TMCO5A: variants seen among roughly 807,000 people sequenced by gnomAD.
TMCO5A encodes the protein transmembrane and coiled-coil domains 5A.
TMCO5A carries 34 observed loss-of-function variants against 42.3 expected under a neutral mutation model. The observed-to-expected ratio is 0.80, with a 90% CI of 0.61 to 1.07. The LOEUF is 1.07. Among genes scored for constraint, TMCO5A ranks in the 50% least tolerant of loss-of-function variants. The pLI, the probability that TMCO5A is intolerant of heterozygous loss-of-function variation, is 0.00. For missense variants in TMCO5A, 357 were observed against 327.9 expected, an observed-to-expected ratio of 1.09 and a Z score of -0.69; for synonymous variants, 131 against 115.6, an observed-to-expected ratio of 1.13 and a Z score of -0.86.
chr15:37,990,153 G>T, the TMCO5A span, among the ~76,000 whole-genome samples: 1 of 152,066 alleles, frequency 6.6e-6, no homozygotes, highest in South Asian at 2.1e-4. Context: ...TCGGCTAATT[G>T]TGTTGTTCAA....
chr15:37,969,222 C>G (rs1035853754), downstream of TMCO5A, among the ~76,000 whole-genome samples: 1 of 152,148 alleles, frequency 6.6e-6, no homozygotes, highest in South Asian at 2.1e-4. Context: ...CATGTGTTAG[C>G]AAAGCCATTC....
the TMCO5A span, among the ~76,000 whole-genome samples, chr15:37,994,251 G>C: frequency 6.6e-6 from 1 of 151,974 alleles, no homozygotes; most frequent in African/African-American, 2.4e-5. Flanking sequence ...AGGCTCCCAG[G>C]CCTCCATTAG....
the TMCO5A span, among the ~76,000 whole-genome samples, chr15:38,004,012 T>A: frequency 6.6e-6 from 1 of 151,890 alleles, no homozygotes; most frequent in Non-Finnish European, 1.5e-5. Flanking sequence ...ATGTGCTGGG[T>A]CACACATGAA....
the TMCO5A span, among the ~76,000 whole-genome samples, chr15:38,016,786 C>T: frequency 2.0e-5 from 3 of 152,188 alleles, no homozygotes; most frequent in Admixed American, 6.5e-5. Flanking sequence ...CTGCCGCTTG[C>T]CTTAACACTG....
intron 10 of TMCO5A, chr15:37,943,832 TG>T (rs1889841455): frequency 6.3e-6 from 1 of 159,710 alleles, no homozygotes; most frequent in Non-Finnish European, 1.4e-5. Flanking sequence ...TAGTCAGAAT[TG>T]GCCTGTGAGT....
the TMCO5A span, among the ~76,000 whole-genome samples, chr15:37,989,427 ATATT>A: frequency 6.6e-6 from 1 of 151,950 alleles, no homozygotes; most frequent in Non-Finnish European, 1.5e-5. Flanking sequence ...TCAAATATAA[ATATT>A]TATATCTACA....
At chr15:37,993,888 C>T in the TMCO5A span, among the ~76,000 whole-genome samples, 1 of 152,236 alleles carries the variant, frequency 6.6e-6, no homozygotes, top group African/African-American at 2.4e-5. Context: ...GCTGAACTTA[C>T]CCAGTTTGTC....
intron 2 of TMCO5A, 168 bp from the exon 3 acceptor site, chr15:37,936,146 C>T: frequency 1.4e-6 from 1 of 720,132 alleles, no homozygotes; most frequent in Non-Finnish European, 2.1e-6. Context: ...ATTATCGAAA[C>T]AGTTGTAGAG....
At chr15:38,023,754 C>G in the TMCO5A span, among the ~76,000 whole-genome samples, 2 of 152,128 alleles carry the variant, frequency 1.3e-5, no homozygotes, top group Admixed American at 6.6e-5. Context: ...CTACCTCACA[C>G]CATACACAAG....
chr15:37,937,220 T>A (rs1332443867), intron 4 of TMCO5A, 126 bp from the exon 5 acceptor site: 7 of 1,203,820 alleles, frequency 5.8e-6, no homozygotes, highest in Non-Finnish European at 8.4e-6. Context: ...AATATACACA[T>A]GACATTATGC....
At chr15:37,984,978 A>G in the TMCO5A span, 1 of 151,972 alleles carries the variant, frequency 6.6e-6, no homozygotes, top group South Asian at 2.1e-4. Context: ...TGGATTGGAG[A>G]TAAACAAATA....
the TMCO5A span, among the ~76,000 whole-genome samples, chr15:38,005,852 G>T: frequency 6.6e-6 from 1 of 152,304 alleles, no homozygotes; most frequent in Middle Eastern, 3.4e-3. Flanking sequence ...CAGGGATGCA[G>T]CCTTAAGTAC....
the TMCO5A span, among the ~76,000 whole-genome samples, chr15:37,975,509 T>G: frequency 6.6e-6 from 1 of 151,170 alleles, no homozygotes; most frequent in African/African-American, 2.5e-5. Flanking sequence ...GTGTCTCTTT[T>G]GATTACCATT....
chr15:37,972,522 T>A (rs1021277226), downstream of TMCO5A, among the ~76,000 whole-genome samples: 1 of 152,240 alleles, frequency 6.6e-6, no homozygotes, highest in Admixed American at 6.5e-5. Context: ...GATTTACATT[T>A]CTCTGATGAT....
the TMCO5A span, among the ~76,000 whole-genome samples, chr15:38,028,575 A>G: frequency 1.3e-5 from 2 of 152,208 alleles, no homozygotes; most frequent in African/African-American, 4.8e-5. Context: ...TAATTTCTCC[A>G]TGAAATGTCT....
chr15:37,937,565 A>G (rs1889565607), intron 5 of TMCO5A, among the ~76,000 whole-genome samples, 169 bp downstream of exon 5: 1 of 152,022 alleles, frequency 6.6e-6, no homozygotes, highest in South Asian at 2.1e-4. Context: ...TCATGACCTA[A>G]ATGTTAGGGA....
At chr15:37,975,403 A>T in the TMCO5A span, among the ~76,000 whole-genome samples, 2 of 144,934 alleles carry the variant, frequency 1.4e-5, no homozygotes, top group Non-Finnish European at 2.9e-5. Flanking sequence ...AAATTGCTTT[A>T]TAAATCTGGG....
At chr15:38,029,075 G>A in the TMCO5A span, among the ~76,000 whole-genome samples, 1 of 152,094 alleles carries the variant, frequency 6.6e-6, no homozygotes, top group Non-Finnish European at 1.5e-5. Flanking sequence ...TCTGTAGGAG[G>A]CAAGGAGGAA....
chr15:37,943,632 C>T (rs910431698), intron 10 of TMCO5A: 18 of 481,594 alleles, frequency 3.7e-5, no homozygotes, highest in Non-Finnish European at 5.6e-5. Context: ...AAAAACTAGC[C>T]GAAGACCTAA....
Sources: gnomAD v4.1 joint callset for allele counts (sites outside exome capture counted in the v4.1 genomes callset) on GRCh38, gnomAD v4.1.1 for gene constraint, MANE v1.5 for transcripts, NCBI Gene and HGNC (gene_info 2026-07-23, HGNC 2026-07-21) for gene names.